ZNF596: variants seen among roughly 807,000 people sequenced by gnomAD.
ZNF596 encodes zinc finger protein 596.
ZNF596 carries 45 observed loss-of-function variants against 48.3 expected under a neutral mutation model. The ratio of observed to expected loss-of-function variants is 0.93; its 90% CI spans 0.73 to 1.19. The LOEUF (loss-of-function observed/expected upper bound fraction) is 1.19. ZNF596 is among the 50% of genes most tolerant of loss of function. ZNF596 has a pLI of 0.00. For missense variants in ZNF596, 848 were observed against 599.7 expected (o/e 1.41, Z -4.32); for synonymous variants, 270 against 202.0 (o/e 1.34, Z -2.85).
Position 243,009 on chromosome 8 carries a change from T to C in ZNF596, c.135T>C (p.Ser45=). 1 of 1,610,088 alleles carries C rather than the reference T, an allele frequency of 6.2e-7. No homozygotes were observed. Among genetic ancestry groups the C allele is most frequent in the Non-Finnish European group, 8.5e-7 (1 of 1,177,080 alleles). Residue 45 remains serine, a synonymous_variant, in exon 3 of 6, where the codon TCT becomes TCC. Transcript: ENST00000398612. ...TGGAGAACATCAGTCATCTGGTCTC[T>C]ATTGGTGAGTCTCTTTATATTTATT... The part of the protein sequence containing the change: ...VMLENISHLV[S]IGKQLCKSVV...
chr8:246,685 G>C lies in ZNF596; in HGVS notation c.*323G>C. On this transcript the variant is annotated 3_prime_UTR_variant, in exon 6 of 6. Transcript: ENST00000398612. ...CTGTCGTCAGTGTGAAAATGCCTTT[G>C]CTGATAATTTATCCTCTAAACAAAT... 1 of 227,144 alleles carries C rather than the reference G, an allele frequency of 4.4e-6. No individual in the cohort carries two copies. The highest frequency in any genetic ancestry group is 5.0e-5 in the Admixed American group (1 of 19,896). The allele number at this position is 227,144 out of a possible 1,614,324, so 14.1% of individuals were successfully genotyped here.
chr8:243,994 T>A (rs774291968), intron 4 of ZNF596, 189 bp downstream of exon 4: 2 of 430,722 alleles, frequency 4.6e-6, no homozygotes, highest in Non-Finnish European at 8.5e-6. Flanking sequence ...TTCAAGTGAT[T>A]CTCTTGCCTC....
intron 1 of ZNF596, chr8:233,156 C>T (rs1584896688): frequency 4.3e-6 from 2 of 466,752 alleles, no homozygotes; most frequent in South Asian, 3.1e-5. Flanking sequence ...GGAATTTGAA[C>T]AAACACCGAC....
At position 245,732 on chromosome 8, in the gene ZNF596, A is replaced by G. The variant is rs1316019130; in HGVS notation, c.885A>G (p.Arg295=). 2.5e-6 allele frequency: 4 copies of G among 1,614,158 alleles called. No homozygotes were observed. Residue 295 remains arginine (R), a synonymous_variant, in exon 6 of 6, where the codon AGA becomes AGG. Coordinates refer to ENST00000398612, the MANE Select transcript of ZNF596 (RefSeq NM_001042416.3). ...CCTTCACTCATTGCTCTGACCTTAGAAAACATGAGAGAACTCACTTAGGAG... is the reference window on the plus strand; with the variant it reads ...CCTTCACTCATTGCTCTGACCTTAGGAAACATGAGAGAACTCACTTAGGAG... ...GKAFTHCSDL[R]KHERTHLGDK...
In ZNF596 at chr8:240,806, G is replaced by T; in HGVS notation, c.-72-18G>T. The T allele has an allele frequency of 9.1e-6, 14 of 1,545,542 alleles. No homozygotes were observed. The Admixed American group carries it at 1.5e-4, about 17-fold the overall frequency. On this transcript the variant is annotated intron_variant, in intron 1 of 5. Transcript: ENST00000398612. The stretch of plus-strand genomic sequence containing the variant: ...GGAGTGTCATGGTTTTTTTGTTTTT[G>T]TTTTTGTTTTTGCTCAGATTTGTCT...
At position 245,771 on chromosome 8, in the gene ZNF596, A is replaced by T; in HGVS notation, c.924A>T (p.Gly308=). 6.2e-7 allele frequency: 1 copy of T among 1,614,064 alleles called. No homozygotes were observed. Among genetic ancestry groups the T allele is most frequent in the South Asian group, 1.1e-5 (1 of 91,082 alleles). Reference sequence around the variant, plus strand: ...CTCACTTAGGAGATAAACCATATGGATGTCTCCTATGTGGGAAGGCTTTCA... The same window carrying T: ...CTCACTTAGGAGATAAACCATATGGTTGTCTCCTATGTGGGAAGGCTTTCA... The part of the protein sequence containing the change: ...ERTHLGDKPY[G]CLLCGKAFSK... Residue 308 remains glycine, a synonymous_variant, in exon 6 of 6, where the codon GGA becomes GGT. Transcript: ENST00000398612.
rs769022671 is a variant in ZNF596 at position 245,446 on chromosome 8, G to A, written c.599G>A (p.Cys200Tyr). ...GAGATAACATTGGAATGTCGTGTGT[G>A]TGGGAAAACCTTTAGCAAAAATTCT... is the stretch of plus-strand genomic sequence containing the variant. ...TREITLECRV[C>Y]GKTFSKNSNL... Residue 200 changes from cysteine to tyrosine, a missense_variant, in exon 6 of 6, where the codon TGT (cysteine) becomes TAT (tyrosine). By Grantham distance (194) the Cys-to-Tyr change is radical. Transcript: ENST00000398612. The A allele has an allele frequency of 5.6e-6, 9 of 1,614,052 alleles. No homozygotes were observed. In the South Asian group the frequency reaches 9.9e-5, roughly 18 times the overall value.
intron 2 of ZNF596, 44 bp from the exon 3 acceptor site, chr8:242,843 G>A (rs754346238): frequency 7.0e-7 from 1 of 1,422,400 alleles, no homozygotes; most frequent in Non-Finnish European, 9.3e-7. Flanking sequence ...CTGAACATTG[G>A]CAGAGATAGC....
intron 4 of ZNF596, 84 bp from the exon 5 acceptor site, chr8:244,535 C>T (rs1796982089): frequency 2.3e-6 from 2 of 883,822 alleles, no homozygotes; most frequent in Middle Eastern, 2.2e-4. Flanking sequence ...GTATTTGAAA[C>T]ACACTCAAAT....
At chr8:245,043 G>A in intron 5 of ZNF596, 111 bp from the exon 6 acceptor site, 2 of 1,276,198 alleles carry the variant, frequency 1.6e-6, no homozygotes, top group Non-Finnish European at 2.1e-6. Context: ...AATTGTAACT[G>A]GAGTCTACCA....
chr8:245,575 G>A lies in ZNF596; in HGVS notation c.728G>A (p.Arg243Lys), dbSNP rs768732532. 2.9e-5 allele frequency: 46 copies of A among 1,613,990 alleles called. 1 individual carries two copies. The highest frequency in any genetic ancestry group is 3.5e-5 in the Non-Finnish European group (41 of 1,180,006). ...TGCTCTGATCTTCGAAAACATGAGA[G>A]AACTCACACTGGAGAGAAGCCATAT... ...THCSDLRKHE[R>K]THTGEKPYGC... Residue 243 changes from arginine (R) to lysine (K), a missense_variant, in exon 6 of 6, where the codon AGA becomes AAA. Coordinates refer to ENST00000398612, the MANE Select transcript of ZNF596 (RefSeq NM_001042416.3).
In ZNF596 at chr8:238,965, A is replaced by G. The variant is rs374630393; in HGVS notation, c.-72-1859A>G. 2.5e-4 allele frequency among the ~76,000 whole-genome samples: 38 copies of G among 152,240 alleles called. No individual in the cohort carries two copies. In the East Asian group the frequency reaches 3.9e-3, roughly 15 times the overall value. On this transcript the variant is annotated intron_variant, in intron 1 of 5. Coordinates refer to ENST00000398612, the MANE Select transcript of ZNF596 (RefSeq NM_001042416.3). ...ATGAGAATATCAACAAAGAAAAACC[A>G]TAATAAAAGAATCAAATATAGATTC...
chr8:232,364 G>C (rs1416619683), upstream of ZNF596: 2 of 175,418 alleles, frequency 1.1e-5, no homozygotes, highest in Non-Finnish European at 2.7e-5. Context: ...CCCCTCGCGC[G>C]ACGTTTTTTG....
In ZNF596 at chr8:246,602, T is replaced by A; in HGVS notation, c.*240T>A. The A allele has an allele frequency of 4.9e-6, 2 of 408,080 alleles. No homozygotes were observed. The highest frequency in any genetic ancestry group is 8.5e-6 in the Non-Finnish European group (2 of 234,720). The allele number at this position is 408,080 out of a possible 1,614,324, so 25.3% of individuals were successfully genotyped here. A position where few individuals can be genotyped will look rare whatever the true frequency, so the allele number is the denominator to read the frequency against. ...TATAGATCAAAGGAATGTGGAGGAG[T>A]CTTCATCCACAGCTCTGTTAAATAA... is the stretch of plus-strand genomic sequence containing the variant. On this transcript the variant is annotated 3_prime_UTR_variant, in exon 6 of 6. Transcript: ENST00000398612.
Position 242,872 on chromosome 8 carries a change from T to C in ZNF596, c.13-15T>C. On this transcript the variant is annotated splice_polypyrimidine_tract_variant and intron_variant, in intron 2 of 5. Transcript: ENST00000398612. Reference sequence around the variant, plus strand: ...AGATAGCCCTGTTTGCAGTAGAATGTCCATAATGTTTTAGGATTCCATGAC... The same window carrying C: ...AGATAGCCCTGTTTGCAGTAGAATGCCCATAATGTTTTAGGATTCCATGAC... The C allele has an allele frequency of 1.3e-6, 2 of 1,523,702 alleles. No individual in the cohort carries two copies. Among genetic ancestry groups the C allele is most frequent in the Non-Finnish European group, 1.8e-6 (2 of 1,126,412 alleles). The allele number at this position is 1,523,702 out of a possible 1,614,324, so 94.4% of individuals were successfully genotyped here.
chr8:241,852 A>C (rs1171938830), intron 2 of ZNF596, among the ~76,000 whole-genome samples: 1 of 152,216 alleles, frequency 6.6e-6, no homozygotes, highest in African/African-American at 2.4e-5. Context: ...GGAGGCCTCC[A>C]GAAACTTACA....
intron 1 of ZNF596, among the ~76,000 whole-genome samples, chr8:235,565 T>C (rs1431874694): frequency 6.6e-6 from 1 of 152,230 alleles, no homozygotes; most frequent in African/African-American, 2.4e-5. Flanking sequence ...AATTTTATTA[T>C]TTTATAGACA....
intron 2 of ZNF596, among the ~76,000 whole-genome samples, chr8:241,886 C>T (rs930457214): frequency 6.6e-6 from 1 of 152,134 alleles, no homozygotes; most frequent in Non-Finnish European, 1.5e-5. Flanking sequence ...GGGAAGCAAG[C>T]ACCTTCTTCA....
intron 2 of ZNF596, 141 bp downstream of exon 2, chr8:241,048 T>C (rs1396265958): frequency 9.6e-7 from 1 of 1,046,098 alleles, no homozygotes; most frequent in African/African-American, 1.6e-5. Context: ...TTCGGAATGT[T>C]TACATTGGCT....
Sources: gnomAD v4.1 joint callset for allele counts (sites outside exome capture counted in the v4.1 genomes callset) on GRCh38, gnomAD v4.1.1 for gene constraint, MANE v1.5 for transcripts, NCBI Gene and HGNC (gene_info 2026-07-23, HGNC 2026-07-21) for gene names.